WDFY4: variants seen among roughly 807,000 people sequenced by gnomAD.
WDFY4 encodes the protein WD repeat- and FYVE domain-containing protein 4.
A neutral mutation model predicts 351.9 loss-of-function variants in WDFY4; 169 were observed. That is an observed-to-expected ratio of 0.48 (90% CI 0.42 to 0.55). The LOEUF (loss-of-function observed/expected upper bound fraction) is 0.55. Ranked by LOEUF, WDFY4 falls within the 20% of genes least tolerant of loss-of-function variation. The pLI, the probability that WDFY4 is intolerant of heterozygous loss-of-function variation, is 0.00. For missense variants in WDFY4, 3,803 were observed against 3,935.6 expected (o/e 0.97, Z 0.90); for synonymous variants, 1,622 against 1,574.6 (o/e 1.03, Z -0.71).
At chr10:48,755,621 C>CT (rs746891676) in intron 12 of WDFY4, among the ~76,000 whole-genome samples, 10 of 152,110 alleles carry the variant, frequency 6.6e-5, no homozygotes, top group Non-Finnish European at 1.5e-4. Context: ...AAAATATTAT[C>CT]TTTTTTTCCA....
chr10:48,775,296 C>CG (rs993382162), intron 14 of WDFY4, among the ~76,000 whole-genome samples: 6 of 152,206 alleles, frequency 3.9e-5, no homozygotes, highest in Non-Finnish European at 5.9e-5. Context: ...ATGCACAGAG[C>CG]GGGGGGCCCT....
intron 25 of WDFY4, chr10:48,804,596 G>T: frequency 1.2e-5 from 3 of 258,056 alleles, no homozygotes; most frequent in Non-Finnish European, 1.8e-5. Context: ...AGTTCAAAGT[G>T]AGGAATCTGC....
At chr10:48,824,776 C>G (rs1314374687) in intron 35 of WDFY4, among the ~76,000 whole-genome samples, 2 of 152,146 alleles carry the variant, frequency 1.3e-5, no homozygotes, top group Non-Finnish European at 2.9e-5. Context: ...GTAGCTAGGA[C>G]TACAGACATG....
Position 48,760,372 on chromosome 10 carries a change from A to G in WDFY4, c.2485A>G (p.Met829Val), listed in dbSNP as rs1433896124. 1.0e-5 allele frequency: 16 copies of G among 1,551,624 alleles called. No individual in the cohort carries two copies. Among genetic ancestry groups the G allele is most frequent in the Middle Eastern group, 1.7e-4 (1 of 5,974 alleles). ...GATGGATGAGGGAGATGCTGCAATCATGCATCCCGGGGTCGTGTGCATCAT... is the reference window on the plus strand; with the variant it reads ...GATGGATGAGGGAGATGCTGCAATCGTGCATCCCGGGGTCGTGTGCATCAT... ...ERMDEGDAAIMHPGVVCIMVR... is the reference protein window; with the variant it reads ...ERMDEGDAAIVHPGVVCIMVR... The change falls in exon 13 of 62, where the codon ATG becomes GTG. Residue 829 changes from methionine to valine, a missense_variant. This residue lies in a region of WDFY4 where 3,054 missense variants were observed against 3,148.6 expected (regional missense o/e 0.97). Transcript: ENST00000325239.
At chr10:48,965,294 A>C (rs1189377934) in intron 54 of WDFY4, among the ~76,000 whole-genome samples, 1 of 152,070 alleles carries the variant, frequency 6.6e-6, no homozygotes, top group Non-Finnish European at 1.5e-5. Context: ...AGGTGCTTTC[A>C]CAAGTATTTC....
At chr10:48,913,029 T>G (rs1838147022) in intron 47 of WDFY4, among the ~76,000 whole-genome samples, 1 of 152,194 alleles carries the variant, frequency 6.6e-6, no homozygotes, top group Non-Finnish European at 1.5e-5. Context: ...GATCTGGCAG[T>G]GGGCTCTGAA....
At chr10:48,741,882 A>G (rs1308138179) in intron 11 of WDFY4, among the ~76,000 whole-genome samples, 1 of 152,222 alleles carries the variant, frequency 6.6e-6, no homozygotes, top group African/African-American at 2.4e-5. Flanking sequence ...TCTCTAGGAA[A>G]CACACATCAA....
At chr10:48,849,771 A>G (rs557204505) in intron 39 of WDFY4, among the ~76,000 whole-genome samples, 3 of 152,378 alleles carry the variant, frequency 2.0e-5, no homozygotes, top group South Asian at 2.1e-4. Flanking sequence ...ACATTGTTGC[A>G]TTACTATTGA....
intron 18 of WDFY4, 129 bp downstream of exon 18, chr10:48,778,961 T>C: frequency 2.0e-6 from 2 of 1,019,744 alleles, no homozygotes; most frequent in Non-Finnish European, 1.4e-6. Context: ...TTGAAATTGC[T>C]CCCTTGGGTT....
In WDFY4 at chr10:48,848,816, A is replaced by C. The variant is rs559227219; in HGVS notation, c.6663+16107A>C. ...AGCTGGGAAAGAGAATGTTCATGAC[A>C]ACAATTAGTTTACACGATAACCACA... On this transcript the variant is annotated intron_variant, in intron 39 of 61. Coordinates refer to ENST00000325239, the MANE Select transcript of WDFY4 (RefSeq NM_001394531.1). Among the ~76,000 whole-genome samples the C allele has an allele frequency of 7.2e-5, 11 of 152,342 alleles. No individual in the cohort carries two copies. In the South Asian group the frequency reaches 2.1e-3, roughly 29 times the overall value.
At chr10:48,774,765 G>T (rs377495666) in intron 14 of WDFY4, 93 bp downstream of exon 14, 5 of 1,423,888 alleles carry the variant, frequency 3.5e-6, no homozygotes, top group Non-Finnish European at 4.8e-6. Context: ...GAGACTGCAG[G>T]GACAGATGGA....
chr10:48,723,173 C>T (rs376643690), intron 4 of WDFY4, among the ~76,000 whole-genome samples: 3 of 148,652 alleles, frequency 2.0e-5, no homozygotes, highest in Non-Finnish European at 3.0e-5. Flanking sequence ...CTCCCTCCCT[C>T]TCTCCCTCCC....
At chr10:48,896,564 G>T (rs1347293976) in intron 44 of WDFY4, among the ~76,000 whole-genome samples, 1 of 152,210 alleles carries the variant, frequency 6.6e-6, no homozygotes, top group African/African-American at 2.4e-5. Flanking sequence ...CCCAGGCCAG[G>T]CTGGGCAGCC....
chr10:48,871,231 G>A (rs1386728429), intron 40 of WDFY4, among the ~76,000 whole-genome samples: 1 of 152,076 alleles, frequency 6.6e-6, no homozygotes, highest in African/African-American at 2.4e-5. Context: ...CACTGTGCCT[G>A]GCCGGATATG....
rs1409858818 is a variant in WDFY4 at position 48,811,614 on chromosome 10, T to C, written c.5120T>C (p.Phe1707Ser). Reference protein sequence around the residue: ...LLPGFRVLNDFLAHHVHIPEV... With the variant: ...LLPGFRVLNDSLAHHVHIPEV... ...CCTGGGTTCCGTGTCTTGAATGACT[T>C]TCTGGCCCACCACGTCCACATTCCA... The change falls in exon 30 of 62, where the codon TTT becomes TCT. Residue 1707 changes from phenylalanine (F) to serine (S), a missense_variant. Phe to Ser is a radical substitution (Grantham distance 155, BLOSUM62 -2). Around this residue, in one of 3 missense-constraint regions of WDFY4, gnomAD observed 3,054 missense variants for 3,148.6 expected, o/e 0.97. Coordinates refer to ENST00000325239, the MANE Select transcript of WDFY4 (RefSeq NM_001394531.1). 2 of 1,552,084 alleles carry C rather than the reference T, an allele frequency of 1.3e-6. No homozygotes were observed.
At chr10:48,734,304 A>G (rs2064569518) in intron 10 of WDFY4, among the ~76,000 whole-genome samples, 1 of 152,202 alleles carries the variant, frequency 6.6e-6, no homozygotes, top group Admixed American at 6.5e-5. Flanking sequence ...TAAATTTATG[A>G]GAAAAATTTA....
chr10:48,918,086 A>C (rs1838715640), intron 47 of WDFY4, among the ~76,000 whole-genome samples: 2 of 152,254 alleles, frequency 1.3e-5, no homozygotes, highest in Non-Finnish European at 2.9e-5. Context: ...ATATATAAAA[A>C]GATATAGTAA....
At chr10:48,734,522 G>A (rs2064580857) in intron 10 of WDFY4, among the ~76,000 whole-genome samples, 1 of 92,768 alleles carries the variant, frequency 1.1e-5, no homozygotes, top group African/African-American at 4.6e-5. Flanking sequence ...AATAATATGT[G>A]CATATATATA....
At position 48,976,779 on chromosome 10, in the gene WDFY4, C is replaced by A. The variant is rs1246377799; in HGVS notation, c.9109-18C>A. 11 of 1,369,670 alleles carry A rather than the reference C, an allele frequency of 8.0e-6. No individual in the cohort carries two copies. Among genetic ancestry groups the A allele is most frequent in the Non-Finnish European group, 9.5e-6 (10 of 1,048,524 alleles). The allele number at this position is 1,369,670 out of a possible 1,614,324, so 84.8% of individuals were successfully genotyped here. ...GCAGTGACTCCAGCTTAGAGTGATG[C>A]CAGCTCTCACTGCACAGGGCACCAT... On this transcript the variant is annotated intron_variant, in intron 58 of 61. Coordinates refer to ENST00000325239, the MANE Select transcript of WDFY4 (RefSeq NM_001394531.1).
Sources: gnomAD v4.1 joint callset for allele counts (sites outside exome capture counted in the v4.1 genomes callset) on GRCh38, gnomAD v4.1.1 for gene constraint, gnomAD v4.1.1 regional missense constraint, MANE v1.5 for transcripts, NCBI Gene and HGNC (gene_info 2026-07-23, HGNC 2026-07-21) for gene names.